The following HGFAC variants were observed in gnomAD, a reference collection of about 807,000 sequenced individuals.
The protein encoded by HGFAC is HGF activator.
In HGFAC, 76 loss-of-function variants were observed where a neutral mutation model predicts 70.6. The ratio of observed to expected loss-of-function variants is 1.08; its 90% CI spans 0.89 to 1.30. The LOEUF (loss-of-function observed/expected upper bound fraction) is 1.30, where lower values mean the gene tolerates loss of function less well. HGFAC is among the 50% of genes most tolerant of loss of function. The pLI is 0.00. For missense variants in HGFAC, 1,044 were observed against 933.7 expected, an observed-to-expected ratio of 1.12 and a Z score of -1.54; for synonymous variants, 464 against 405.3, an observed-to-expected ratio of 1.14 and a Z score of -1.74.
intron 10 of HGFAC, 37 bp downstream of exon 10, chr4:3,446,331 G>GC: frequency 1.3e-6 from 2 of 1,587,004 alleles, no homozygotes; most frequent in Non-Finnish European, 1.7e-6. Flanking sequence ...CTGCCCTGAG[G>GC]CCCCACACAC....
chr4:3,445,416 C>T (rs1725473345), intron 9 of HGFAC, 66 bp downstream of exon 9: 2 of 1,086,850 alleles, frequency 1.8e-6, no homozygotes, highest in African/African-American at 1.6e-5. Flanking sequence ...CCCCGTGATC[C>T]TCCTAGCCCC....
intron 10 of HGFAC, among the ~76,000 whole-genome samples, chr4:3,447,029 A>G (rs533167340): frequency 1.1e-4 from 16 of 152,314 alleles, no homozygotes; most frequent in Non-Finnish European, 1.9e-4. Flanking sequence ...AGGCCGAGGC[A>G]GGGTGGAGCG....
chr4:3,444,955 C>G lies in HGFAC; in HGVS notation c.978C>G (p.Ala326=). The G allele has an allele frequency of 6.2e-7, 1 of 1,606,080 alleles. No individual in the cohort carries two copies. The highest frequency in any genetic ancestry group is 1.1e-5 in the South Asian group (1 of 90,168). Residue 326 remains alanine, a synonymous_variant, in exon 8 of 14, where the codon GCC becomes GCG. Coordinates refer to ENST00000382774, the MANE Select transcript of HGFAC (RefSeq NM_001528.4). ...AGCTGCACGTGGACTCCGTGGGCGC[C>G]GCGGCCCTGCTGGGCCTGGGCCCCC... ...YQELHVDSVG[A]AALLGLGPHA...
Position 3,444,876 on chromosome 4 carries a change from C to G in HGFAC, c.899C>G (p.Thr300Ser), listed in dbSNP as rs889873680. 6.2e-7 allele frequency: 1 copy of G among 1,608,114 alleles called. No individual in the cohort carries two copies. Among genetic ancestry groups the G allele is most frequent in the Non-Finnish European group, 8.5e-7 (1 of 1,178,158 alleles). Reference protein sequence around the residue: ...NGTGYRGVASTSASGLSCLAW... With the variant: ...NGTGYRGVASSSASGLSCLAW... ...ACTGGGTACCGTGGCGTGGCCAGCA[C>G]CTCAGCCTCGGGCCTCAGCTGCCTG... The change falls in exon 8 of 14, where the codon ACC (threonine) becomes AGC (serine). Residue 300 changes from threonine (T) to serine (S), a missense_variant. By Grantham distance (58) the Thr-to-Ser change is moderately conservative. Transcript: ENST00000382774.
chr4:3,447,489 C>T lies in HGFAC; in HGVS notation c.1356-3C>T. 6.2e-7 allele frequency: 1 copy of T among 1,612,360 alleles called. No individual in the cohort carries two copies. Among genetic ancestry groups the T allele is most frequent in the Non-Finnish European group, 8.5e-7 (1 of 1,179,742 alleles). On this transcript the variant is annotated splice_region_variant and splice_polypyrimidine_tract_variant and intron_variant, in intron 10 of 13. Coordinates refer to ENST00000382774, the MANE Select transcript of HGFAC (RefSeq NM_001528.4). ...CATGCAGCCTCCAGCCCCCCTTGCA[C>T]AGCCCCCCCAGGGACAGCGTCTCCG...
At chr4:3,448,740 GCT>G (rs1204766424) in intron 13 of HGFAC, among the ~76,000 whole-genome samples, 1 of 152,156 alleles carries the variant, frequency 6.6e-6, no homozygotes, top group Non-Finnish European at 1.5e-5. Flanking sequence ...GCATGCGACG[GCT>G]CTCTTATGCC....
upstream of HGFAC, among the ~76,000 whole-genome samples, chr4:3,441,674 G>A (rs1407413339): frequency 3.3e-5 from 5 of 152,232 alleles, no homozygotes; most frequent in Non-Finnish European, 5.9e-5. The surrounding 1 kb of genome is among the most constrained non-coding windows in gnomAD (Gnocchi z 6.0). Context: ...GACTGGGAGC[G>A]GCGCCAGACC....
At chr4:3,447,745 G>C in intron 11 of HGFAC, 114 bp downstream of exon 11, 2 of 1,539,978 alleles carry the variant, frequency 1.3e-6, no homozygotes, top group South Asian at 1.2e-5. Flanking sequence ...GAAGCTGGGG[G>C]CAGGGCAGGG....
chr4:3,448,376 A>T, intron 13 of HGFAC, 100 bp downstream of exon 13: 3 of 1,419,364 alleles, frequency 2.1e-6, no homozygotes, highest in Non-Finnish European at 2.8e-6. Context: ...GCCTGGCGGC[A>T]CCCCAACCTG....
upstream of HGFAC, among the ~76,000 whole-genome samples, chr4:3,441,283 G>A (rs1577121789): frequency 6.6e-6 from 1 of 152,284 alleles, no homozygotes; most frequent in South Asian, 2.1e-4. This position sits in a 1 kb window ranked among gnomAD's most constrained non-coding sequence, Gnocchi z 6.0. Context: ...TGGACTCCTG[G>A]GTCTGTCTGG....
At chr4:3,447,424 G>A (rs1725547191) in intron 10 of HGFAC, 68 bp from the exon 11 acceptor site, 1 of 1,577,646 alleles carries the variant, frequency 6.3e-7, no homozygotes, top group Non-Finnish European at 8.7e-7. Flanking sequence ...CTGACAGGGG[G>A]TGGGGAGAGG....
intron 13 of HGFAC, among the ~76,000 whole-genome samples, chr4:3,448,917 C>T (rs1206480102): frequency 2.6e-5 from 4 of 152,026 alleles, no homozygotes; most frequent in Admixed American, 6.5e-5. Flanking sequence ...CTGAGTGATG[C>T]GTAGGAGTTT....
In HGFAC at chr4:3,444,037, A is replaced by G; in HGVS notation, c.476-2A>G. On this transcript the variant is annotated splice_acceptor_variant, in intron 4 of 13. Transcript: ENST00000382774. LOFTEE classifies it high-confidence loss of function. ...CTCACACCCCCTCCCGCATGTCCCC[A>G]GCTGCCCTGGATCCCTGTGCCTCCG... 6.3e-7 allele frequency: 1 copy of G among 1,591,184 alleles called. No individual in the cohort carries two copies. The highest frequency in any genetic ancestry group is 1.1e-5 in the South Asian group (1 of 87,560).
At position 3,446,167 on chromosome 4, in the gene HGFAC, G is replaced by A. The variant is rs775348788; in HGVS notation, c.1228G>A (p.Gly410Ser). Residue 410 changes from glycine (G) to serine (S), a missense_variant, in exon 10 of 14, where the codon GGC (glycine) becomes AGC (serine). Transcript: ENST00000382774. ...GACGTTCCTGCGGCCACGTATCATC[G>A]GCGGCTCCTCCTCGCTGCCCGGCTC... ...KRTFLRPRII[G>S]GSSSLPGSHP... is the part of the protein sequence containing the mutation. 6 of 1,611,470 alleles carry A rather than the reference G, an allele frequency of 3.7e-6. No individual in the cohort carries two copies. The highest frequency in any genetic ancestry group is 1.7e-5 in the Admixed American group (1 of 59,914).
chr4:3,447,499 A>AGGGACAGCGTCTCCGTGGTGCT lies in HGFAC; in HGVS notation c.1367_1388dup (p.His465ArgfsTer88). 6.2e-7 allele frequency: 1 copy of AGGGACAGCGTCTCCGTGGTGCT among 1,612,510 alleles called. No individual in the cohort carries two copies. On this transcript the variant is annotated frameshift_variant, in exon 11 of 14. Coordinates refer to ENST00000382774, the MANE Select transcript of HGFAC (RefSeq NM_001528.4). LOFTEE classifies it high-confidence loss of function. Reference sequence around the variant, plus strand: ...CCAGCCCCCCTTGCACAGCCCCCCCAGGGACAGCGTCTCCGTGGTGCTGGG... The same window carrying AGGGACAGCGTCTCCGTGGTGCT: ...CCAGCCCCCCTTGCACAGCCCCCCCAGGGACAGCGTCTCCGTGGTGCTGGGACAGCGTCTCCGTGGTGCTGGG...
In HGFAC at chr4:3,447,963, C is replaced by T; in HGVS notation, c.1564C>T (p.Leu522=). The change falls in exon 12 of 14, where the codon CTG becomes TTG. Residue 522 remains leucine (L), a synonymous_variant. Transcript: ENST00000382774. ...TRSQFVQPIC[L]PEPGSTFPAG... ...CTCGCAGTTCGTGCAGCCCATCTGC[C>T]TGCCCGAGCCCGGCAGCACCTTCCC... 1.9e-6 allele frequency: 3 copies of T among 1,597,672 alleles called. No homozygotes were observed. The highest frequency in any genetic ancestry group is 2.6e-6 in the Non-Finnish European group (3 of 1,172,846).
chr4:3,444,283 G>T (rs752279697), intron 5 of HGFAC, 28 bp from the exon 6 acceptor site: 1 of 1,573,978 alleles, frequency 6.4e-7, no homozygotes, highest in Admixed American at 1.9e-5. Context: ...AGGTGGCAGG[G>T]TGTGAGGGCT....
At chr4:3,446,939 C>T (rs541727661) in intron 10 of HGFAC, among the ~76,000 whole-genome samples, 24 of 152,294 alleles carry the variant, frequency 1.6e-4, no homozygotes, top group Non-Finnish European at 2.6e-4. Flanking sequence ...CTGCAGCCGG[C>T]GGCTCCTGGG....
At chr4:3,447,693 G>A (rs1725565200) in intron 11 of HGFAC, 62 bp downstream of exon 11, 1 of 1,599,288 alleles carries the variant, frequency 6.3e-7, no homozygotes, top group Non-Finnish European at 8.5e-7. Context: ...CCCAGGCCAG[G>A]CCCAGACAGG....
Sources: gnomAD v4.1 joint callset for allele counts (sites outside exome capture counted in the v4.1 genomes callset) on GRCh38, gnomAD v4.1.1 for gene constraint, Gnocchi (gnomAD v3.1) non-coding constraint, MANE v1.5 for transcripts, NCBI Gene and HGNC (gene_info 2026-07-23, HGNC 2026-07-21) for gene names.